PCDHA6: variants seen among roughly 807,000 people sequenced by gnomAD.
PCDHA6 encodes protocadherin alpha 6.
Under a neutral mutation model 60.3 loss-of-function variants are expected in PCDHA6, and 55 were observed. That is an observed-to-expected ratio of 0.91 (90% CI 0.73 to 1.14). The LOEUF is 1.14. PCDHA6 is among the 50% of genes most tolerant of loss of function. The pLI is 0.00. For missense variants in PCDHA6, 1,327 were observed against 1,256.5 expected (o/e 1.06, Z -0.85); for synonymous variants, 652 against 557.9 (o/e 1.17, Z -2.38).
intron 1 of PCDHA6, chr5:140,969,257 AATC>A (rs782398697): frequency 1.2e-6 from 2 of 1,614,102 alleles, no homozygotes; most frequent in African/African-American, 2.7e-5. Context: ...TGACAGCAGG[AATC>A]TCACAGGCCA....
chr5:140,990,808 C>G (rs537926285), intron 3 of PCDHA6, among the ~76,000 whole-genome samples: 18 of 152,212 alleles, frequency 1.2e-4, no homozygotes, highest in Non-Finnish European at 2.4e-4. Context: ...ACAGAAGAAG[C>G]TCCCTTCTCT....
chr5:140,903,402 G>T (rs1293264385), intron 1 of PCDHA6, among the ~76,000 whole-genome samples: 6 of 152,192 alleles, frequency 3.9e-5, no homozygotes, highest in Non-Finnish European at 5.9e-5. Context: ...AAACAGTAGT[G>T]CAGTCAGGAA....
chr5:140,899,995 A>G (rs1449060467), intron 1 of PCDHA6, among the ~76,000 whole-genome samples: 1 of 151,872 alleles, frequency 6.6e-6, no homozygotes, highest in Non-Finnish European at 1.5e-5. Context: ...TTTTTTGTAG[A>G]GATGAGGTCT....
intron 3 of PCDHA6, among the ~76,000 whole-genome samples, chr5:141,000,383 C>G (rs1324907388): frequency 4.7e-5 from 3 of 63,178 alleles, no homozygotes; most frequent in South Asian, 1.1e-3. Flanking sequence ...CTCTCTCTCT[C>G]TCTCTCTCTC....
chr5:140,870,356 G>C lies in PCDHA6; in HGVS notation c.2394+39871G>C, dbSNP rs17119218. On this transcript the variant is annotated intron_variant, in intron 1 of 3. Coordinates refer to ENST00000529310, the MANE Select transcript of PCDHA6 (RefSeq NM_018909.4). ...AGCGCCCTGGACCGCGAGAACGTGT[G>C]GGCCTATGAACTGGTGGTGACTGCG... 1,853 of 1,614,212 alleles carry C rather than the reference G, an allele frequency of 1.1e-3. 14 individuals are homozygous for C. In the African/African-American group the frequency reaches 0.018, roughly 16 times the overall value.
At chr5:140,881,340 C>T (rs782406068) in intron 1 of PCDHA6, 10 of 984,934 alleles carry the variant, frequency 1.0e-5, no homozygotes, top group African/African-American at 5.2e-5. Context: ...GACGCCGATT[C>T]GGGCTACAAT....
At chr5:140,956,142 T>C (rs1416783643) in intron 1 of PCDHA6, among the ~76,000 whole-genome samples, 1 of 152,194 alleles carries the variant, frequency 6.6e-6, no homozygotes, top group East Asian at 1.9e-4. Flanking sequence ...CCTTTATTTC[T>C]TTCTCTTTCC....
Position 140,899,489 on chromosome 5 carries a change from A to G in PCDHA6, c.2394+69004A>G, listed in dbSNP as rs1445369123. 2.0e-5 allele frequency among the ~76,000 whole-genome samples: 3 copies of G among 152,246 alleles called. 1 individual carries two copies. Among genetic ancestry groups the G allele is most frequent in the Non-Finnish European group, 4.4e-5 (3 of 68,052 alleles). On this transcript the variant is annotated intron_variant, in intron 1 of 3. Coordinates refer to ENST00000529310, the MANE Select transcript of PCDHA6 (RefSeq NM_018909.4). ...TTTGGTTCTGTTTATATGCTGGATT[A>G]CATTTATTGATTTGCATATATTGCA...
At chr5:140,947,655 A>G (rs942849633) in intron 1 of PCDHA6, among the ~76,000 whole-genome samples, 3 of 151,542 alleles carry the variant, frequency 2.0e-5, no homozygotes, top group Non-Finnish European at 4.4e-5. Context: ...ATATACCTCC[A>G]TTTACTTGGG....
chr5:140,900,226 G>A (rs1048533279), intron 1 of PCDHA6, among the ~76,000 whole-genome samples: 18 of 152,090 alleles, frequency 1.2e-4, no homozygotes, highest in Admixed American at 1.1e-3. Flanking sequence ...GCAAATGACT[G>A]GATCTTGTTT....
chr5:140,843,685 G>T (rs2150365041), intron 1 of PCDHA6: 1 of 1,589,062 alleles, frequency 6.3e-7, no homozygotes, highest in Non-Finnish European at 8.6e-7. Flanking sequence ...TAGGCGAAGA[G>T]CAAGATTTAA....
chr5:140,848,619 G>C lies in PCDHA6; in HGVS notation c.2394+18134G>C, dbSNP rs2150415128. The C allele has an allele frequency of 3.5e-5, 55 of 1,593,396 alleles. 5 individuals are homozygous for C. Among genetic ancestry groups the C allele is most frequent in the Admixed American group, 1.5e-4 (9 of 59,226 alleles). ...CTCCGTCCCGGAGGAAGCCGAACACGGCACCTTCGTGGGCCGCATCGCGCA... is the reference window on the plus strand; with the variant it reads ...CTCCGTCCCGGAGGAAGCCGAACACCGCACCTTCGTGGGCCGCATCGCGCA... On this transcript the variant is annotated intron_variant, in intron 1 of 3. Coordinates refer to ENST00000529310, the MANE Select transcript of PCDHA6 (RefSeq NM_018909.4).
At chr5:140,973,665 T>C (rs1309458037) in intron 1 of PCDHA6, among the ~76,000 whole-genome samples, 2 of 152,248 alleles carry the variant, frequency 1.3e-5, no homozygotes, top group Non-Finnish European at 2.9e-5. Context: ...CTATTTATTG[T>C]AGCTTGAATG....
At position 141,009,849 on chromosome 5, in the gene PCDHA6, C is replaced by T. The variant is rs782348993; in HGVS notation, c.2765C>T (p.Thr922Ile). 54 of 1,613,364 alleles carry T rather than the reference C, an allele frequency of 3.3e-5. No individual in the cohort carries two copies. The South Asian group carries it at 5.8e-4, about 17-fold the overall frequency. ...DFITFGKKEETKKKKKKKKGN... is the reference protein window; with the variant it reads ...DFITFGKKEEIKKKKKKKKGN... ...ATAACCTTCGGCAAAAAGGAGGAGA[C>T]CAAGAAAAAGAAGAAAAAGAAGAAG... Residue 922 changes from threonine to isoleucine, a missense_variant, in exon 4 of 4, where the codon ACC becomes ATC. Transcript: ENST00000529310.
chr5:140,854,169 A>AAAAAG, intron 1 of PCDHA6: 1 of 675,122 alleles, frequency 1.5e-6, no homozygotes, highest in South Asian at 6.4e-5. Flanking sequence ...CAAAAAAAAA[A>AAAAAG]AAAAAAAGAG....
chr5:140,837,856 T>A (rs1212589641), intron 1 of PCDHA6, among the ~76,000 whole-genome samples: 1 of 151,590 alleles, frequency 6.6e-6, no homozygotes, highest in African/African-American at 2.4e-5. Context: ...TTTATTTTAT[T>A]TTTGTAGAGA....
At chr5:140,869,884 G>T in intron 1 of PCDHA6, 1 of 1,610,394 alleles carries the variant, frequency 6.2e-7, no homozygotes, top group Non-Finnish European at 8.5e-7. Flanking sequence ...AGAAACTCTT[G>T]TGCTCAAACT....
At chr5:140,958,498 G>A (rs2095427243) in intron 1 of PCDHA6, among the ~76,000 whole-genome samples, 1 of 152,020 alleles carries the variant, frequency 6.6e-6, no homozygotes, top group African/African-American at 2.4e-5. Context: ...ACATATCCTA[G>A]GAGGCATGGC....
intron 1 of PCDHA6, among the ~76,000 whole-genome samples, chr5:140,884,904 A>G (rs2060400953): frequency 6.6e-6 from 1 of 152,226 alleles, no homozygotes; most frequent in Non-Finnish European, 1.5e-5. Flanking sequence ...TTTCTGTTGT[A>G]TTCTTAATAG....
Sources: allele counts gnomAD v4.1 joint callset (sites outside exome capture counted in the v4.1 genomes callset), GRCh38; gene constraint gnomAD v4.1.1; transcripts MANE v1.5; gene names NCBI Gene and HGNC (gene_info 2026-07-23, HGNC 2026-07-21).